The following LSAMP variants were observed in gnomAD, a reference collection of about 807,000 sequenced individuals.
LSAMP encodes limbic system associated membrane protein.
In LSAMP, 7 loss-of-function variants were observed where a neutral mutation model predicts 38.6. The observed-to-expected ratio is 0.18, with a 90% CI of 0.10 to 0.34. The LOEUF is 0.34. LSAMP is among the 10% of genes least tolerant of loss of function. LSAMP has a pLI of 1.00. For missense variants in LSAMP, 313 were observed against 420.0 expected, an observed-to-expected ratio of 0.75 and a Z score of 2.23; for synonymous variants, 154 against 166.8, an observed-to-expected ratio of 0.92 and a Z score of 0.59.
intron 1 of LSAMP, among the ~76,000 whole-genome samples, chr3:116,409,131 G>C (rs1442116901): frequency 7.2e-5 from 11 of 152,012 alleles, no homozygotes; most frequent in Non-Finnish European, 1.5e-4. Context: ...GAATGAGAGA[G>C]GGTTATCATT....
At chr3:116,284,656 C>A (rs2047170649) in intron 1 of LSAMP, among the ~76,000 whole-genome samples, 1 of 152,156 alleles carries the variant, frequency 6.6e-6, no homozygotes, top group Non-Finnish European at 1.5e-5. Context: ...GAAGGATAAA[C>A]CCTGCATTTA....
chr3:115,941,149 A>G (rs1384635021), intron 3 of LSAMP, among the ~76,000 whole-genome samples: 1 of 152,162 alleles, frequency 6.6e-6, no homozygotes, highest in Non-Finnish European at 1.5e-5. Context: ...TTTTTTCCAA[A>G]GAAAACATAC....
chr3:115,837,299 T>TG (rs1934821010), intron 6 of LSAMP, among the ~76,000 whole-genome samples: 1 of 149,818 alleles, frequency 6.7e-6, no homozygotes, highest in African/African-American at 2.5e-5. Flanking sequence ...GTAGATTTTT[T>TG]TTTTTGTATT....
chr3:116,305,846 A>G (rs2047477158), intron 1 of LSAMP, among the ~76,000 whole-genome samples: 1 of 151,998 alleles, frequency 6.6e-6, no homozygotes, highest in Non-Finnish European at 1.5e-5. Flanking sequence ...CAAATAAGAA[A>G]CTTCTCTCAT....
At chr3:116,171,578 C>T (rs1311442069) in intron 1 of LSAMP, among the ~76,000 whole-genome samples, 6 of 152,016 alleles carry the variant, frequency 3.9e-5, no homozygotes, top group Non-Finnish European at 7.4e-5. Flanking sequence ...TTTTTGCCAG[C>T]AAGTATTTGG....
At chr3:115,879,207 G>A (rs768338045) in intron 3 of LSAMP, among the ~76,000 whole-genome samples, 102 of 152,162 alleles carry the variant, frequency 6.7e-4, no homozygotes, top group South Asian at 1.2e-3. Flanking sequence ...TTATTGTGAA[G>A]ATACACTTAT....
chr3:115,825,044 C>T (rs7646077), intron 6 of LSAMP, among the ~76,000 whole-genome samples: 24,072 of 152,006 alleles, frequency 0.16, 2,585 homozygotes, highest in African/African-American at 0.31. Context: ...CTTTAATCTA[C>T]GTAATATGCC....
chr3:115,864,182 G>T (rs1489511706), intron 3 of LSAMP, among the ~76,000 whole-genome samples: 1 of 152,138 alleles, frequency 6.6e-6, no homozygotes, highest in Non-Finnish European at 1.5e-5. Flanking sequence ...GGACTTAAGA[G>T]TGCTGACTCT....
intron 1 of LSAMP, among the ~76,000 whole-genome samples, chr3:116,352,322 A>G (rs1435403927): frequency 6.6e-6 from 1 of 152,102 alleles, no homozygotes; most frequent in African/African-American, 2.4e-5. Flanking sequence ...GGGTTGAGGA[A>G]AAAGACAATG....
At chr3:115,836,508 T>G (rs537839350) in intron 6 of LSAMP, among the ~76,000 whole-genome samples, 1 of 152,290 alleles carries the variant, frequency 6.6e-6, no homozygotes, top group South Asian at 2.1e-4. Context: ...CAGCTGCTAC[T>G]TGAGGAGGAA....
intron 1 of LSAMP, among the ~76,000 whole-genome samples, chr3:116,292,048 G>A (rs560751914): frequency 6.6e-6 from 1 of 152,210 alleles, no homozygotes; most frequent in African/African-American, 2.4e-5. Context: ...CGCAAAAGAT[G>A]TACAAGAAAC....
chr3:115,937,598 A>G (rs1937747032), intron 3 of LSAMP, among the ~76,000 whole-genome samples: 2 of 151,702 alleles, frequency 1.3e-5, no homozygotes, highest in African/African-American at 4.8e-5. Flanking sequence ...CCATGATTGC[A>G]CCACTGTACT....
At chr3:116,381,139 G>T (rs1412477815) in intron 1 of LSAMP, among the ~76,000 whole-genome samples, 18 of 151,960 alleles carry the variant, frequency 1.2e-4, no homozygotes, top group Admixed American at 1.2e-3. Context: ...CCAAATGAGA[G>T]AAAAATTTAA....
At chr3:115,858,101 T>C (rs756803661) in intron 3 of LSAMP, among the ~76,000 whole-genome samples, 12 of 151,930 alleles carry the variant, frequency 7.9e-5, no homozygotes, top group Non-Finnish European at 1.8e-4. Flanking sequence ...ATTCCCTTTC[T>C]TTCTCTCCTC....
rs115328036 is a variant in LSAMP at position 115,832,985 on chromosome 3, C to A, written c.919+8860G>T. ...TGAAAGTTACCTATATCATAATGCA[C>A]GATTAGATAAATACTTGAGTTGGTG... On this transcript the variant is annotated intron_variant, in intron 6 of 6. Coordinates refer to ENST00000490035, the MANE Select transcript of LSAMP (RefSeq NM_002338.5). 2.0e-3 allele frequency among the ~76,000 whole-genome samples: 297 copies of A among 152,164 alleles called. 4 individuals are homozygous for A. The highest frequency in any genetic ancestry group is 6.5e-3 in the African/African-American group (271 of 41,518).
chr3:116,018,258 T>C (rs1375645502), intron 3 of LSAMP, among the ~76,000 whole-genome samples: 1 of 152,160 alleles, frequency 6.6e-6, no homozygotes, highest in Non-Finnish European at 1.5e-5. Flanking sequence ...AAAACCATTC[T>C]ATAGGTTGGT....
chr3:116,062,566 G>A (rs1941613086), intron 2 of LSAMP, among the ~76,000 whole-genome samples: 1 of 151,980 alleles, frequency 6.6e-6, no homozygotes, highest in Admixed American at 6.6e-5. Context: ...AATCCAAAGT[G>A]CAGGAGGGTC....
intron 1 of LSAMP, among the ~76,000 whole-genome samples, chr3:116,137,847 G>T (rs1401295287): frequency 6.6e-6 from 1 of 152,158 alleles, no homozygotes; most frequent in African/African-American, 2.4e-5. Context: ...AAAGGGGAGG[G>T]TGTGTTTTTG....
At chr3:116,076,036 G>C (rs1707734732) in intron 2 of LSAMP, among the ~76,000 whole-genome samples, 1 of 151,966 alleles carries the variant, frequency 6.6e-6, no homozygotes, top group South Asian at 2.1e-4. Flanking sequence ...ATACATGGCT[G>C]TTTAGTAAAA....
Sources: allele counts gnomAD v4.1 joint callset (sites outside exome capture counted in the v4.1 genomes callset), GRCh38; gene constraint gnomAD v4.1.1; transcripts MANE v1.5; gene names NCBI Gene and HGNC (gene_info 2026-07-23, HGNC 2026-07-21).